Variants in MARCHF1 observed in about 807,000 individuals in gnomAD.
MARCHF1 encodes the protein membrane associated ring-CH-type finger 1.
A neutral mutation model predicts 54.2 loss-of-function variants in MARCHF1; 40 were observed. The ratio of observed to expected loss-of-function variants is 0.74; its 90% CI spans 0.57 to 0.96. The LOEUF is 0.96. Ranked by LOEUF, MARCHF1 falls within the 40% of genes least tolerant of loss-of-function variation. MARCHF1 has a pLI of 0.00. For missense variants in MARCHF1, 586 were observed against 656.5 expected, an observed-to-expected ratio of 0.89 and a Z score of 1.17; for synonymous variants, 236 against 236.3, an observed-to-expected ratio of 1.00 and a Z score of 0.01.
At chr4:163,899,276 C>T (rs1011459448) in intron 3 of MARCHF1, among the ~76,000 whole-genome samples, 1 of 152,148 alleles carries the variant, frequency 6.6e-6, no homozygotes, top group African/African-American at 2.4e-5. Context: ...TTTACTTGTA[C>T]CATTTCATTA....
At chr4:164,377,543 T>G (rs2110977479) in intron 1 of MARCHF1, among the ~76,000 whole-genome samples, 1 of 152,124 alleles carries the variant, frequency 6.6e-6, no homozygotes, top group African/African-American at 2.4e-5. Context: ...TTAGAATGAT[T>G]CGTTAACCAT....
intron 5 of MARCHF1, among the ~76,000 whole-genome samples, chr4:163,658,221 A>C (rs1743219781): frequency 6.6e-6 from 1 of 150,692 alleles, no homozygotes; most frequent in Admixed American, 6.7e-5. Context: ...AAAAACAAAC[A>C]ACCCCATTAA....
At chr4:163,798,948 A>G (rs1268726413) in intron 4 of MARCHF1, among the ~76,000 whole-genome samples, 2 of 152,124 alleles carry the variant, frequency 1.3e-5, no homozygotes, top group African/African-American at 2.4e-5. Flanking sequence ...CATATTATCA[A>G]TGTTAGTTCG....
intron 1 of MARCHF1, among the ~76,000 whole-genome samples, chr4:164,308,816 G>A (rs968391011): frequency 1.3e-5 from 2 of 152,020 alleles, no homozygotes; most frequent in African/African-American, 4.8e-5. Context: ...GTGGAGGGTG[G>A]GAGGAGGGAG....
chr4:164,263,646 CA>C (rs771799233), intron 1 of MARCHF1, among the ~76,000 whole-genome samples: 7 of 151,918 alleles, frequency 4.6e-5, no homozygotes, highest in Non-Finnish European at 1.0e-4. Context: ...AAGAAATTTA[CA>C]AAAGAAAAAC....
intron 1 of MARCHF1, among the ~76,000 whole-genome samples, chr4:164,158,715 T>C (rs1241647803): frequency 6.6e-6 from 1 of 152,072 alleles, no homozygotes; most frequent in Non-Finnish European, 1.5e-5. Flanking sequence ...ATTTAACTGT[T>C]CCACATGCAT....
At chr4:164,323,628 C>T (rs1319054696) in intron 1 of MARCHF1, among the ~76,000 whole-genome samples, 2 of 103,916 alleles carry the variant, frequency 1.9e-5, no homozygotes, top group African/African-American at 3.9e-5. Context: ...AAAAAAGCAG[C>T]ATGAGTACTG....
intron 2 of MARCHF1, among the ~76,000 whole-genome samples, chr4:164,034,596 G>A (rs1753954186): frequency 6.6e-6 from 1 of 151,848 alleles, no homozygotes; most frequent in African/African-American, 2.4e-5. Context: ...TCACTCAAAA[G>A]ATAAGCAAAT....
At chr4:164,073,129 A>G (rs1277190476) in intron 2 of MARCHF1, among the ~76,000 whole-genome samples, 1 of 152,228 alleles carries the variant, frequency 6.6e-6, no homozygotes, top group Non-Finnish European at 1.5e-5. Flanking sequence ...AGTGACTTGT[A>G]CAGACATTAT....
At chr4:163,724,740 T>G (rs563920199) in intron 4 of MARCHF1, among the ~76,000 whole-genome samples, 150 of 152,294 alleles carry the variant, frequency 9.8e-4, no homozygotes, top group African/African-American at 3.3e-3. Context: ...GCTGCCACCT[T>G]GCAGTTTGAT....
chr4:164,119,008 A>G (rs900100984), intron 1 of MARCHF1, among the ~76,000 whole-genome samples: 1 of 151,468 alleles, frequency 6.6e-6, no homozygotes. Context: ...ATTAAAATAT[A>G]TAAGGATAAA....
intron 1 of MARCHF1, among the ~76,000 whole-genome samples, chr4:164,372,714 A>G (rs1368783737): frequency 6.6e-6 from 1 of 152,170 alleles, no homozygotes; most frequent in African/African-American, 2.4e-5. Flanking sequence ...TTATACAATT[A>G]ACTTATTTTT....
intron 3 of MARCHF1, among the ~76,000 whole-genome samples, chr4:163,921,495 C>A (rs1312121637): frequency 1.3e-5 from 2 of 152,068 alleles, no homozygotes; most frequent in African/African-American, 4.8e-5. Context: ...CTTTGGTGTT[C>A]ATAAACAATT....
intron 4 of MARCHF1, among the ~76,000 whole-genome samples, chr4:163,848,375 A>G (rs1386246850): frequency 1.3e-5 from 2 of 152,116 alleles, no homozygotes; most frequent in African/African-American, 2.4e-5. Context: ...ACTCCAGTCT[A>G]TTTGGAGCCT....
intron 3 of MARCHF1, among the ~76,000 whole-genome samples, chr4:163,930,137 C>T (rs571847553): frequency 6.7e-6 from 1 of 149,964 alleles, no homozygotes; most frequent in South Asian, 2.1e-4. Flanking sequence ...GAGAATTTAA[C>T]ATGGGGTATT....
At chr4:164,136,806 G>A (rs899705497) in intron 1 of MARCHF1, among the ~76,000 whole-genome samples, 17 of 152,184 alleles carry the variant, frequency 1.1e-4, no homozygotes, top group Non-Finnish European at 1.9e-4. Flanking sequence ...ACCTGGGACG[G>A]TTAAAGTTAT....
At chr4:163,804,369 C>T (rs1050114479) in intron 4 of MARCHF1, among the ~76,000 whole-genome samples, 2 of 152,152 alleles carry the variant, frequency 1.3e-5, no homozygotes, top group South Asian at 4.1e-4. Flanking sequence ...ATGGGAACTT[C>T]ACAGAAATGC....
intron 4 of MARCHF1, among the ~76,000 whole-genome samples, chr4:163,771,130 G>A (rs1026748242): frequency 1.3e-5 from 2 of 152,118 alleles, no homozygotes; most frequent in African/African-American, 2.4e-5. Flanking sequence ...CCCAATTAAA[G>A]CCTAATTATG....
At chr4:164,194,780 AAAT>A (rs1254044245) in intron 1 of MARCHF1, among the ~76,000 whole-genome samples, 4 of 152,162 alleles carry the variant, frequency 2.6e-5, no homozygotes, top group South Asian at 2.1e-4. Context: ...TATACTAATT[AAAT>A]AATAAGTAAA....
Sources: gnomAD v4.1 joint callset for allele counts (sites outside exome capture counted in the v4.1 genomes callset) on GRCh38, gnomAD v4.1.1 for gene constraint, MANE v1.5 for transcripts, NCBI Gene and HGNC (gene_info 2026-07-23, HGNC 2026-07-21) for gene names.